Variants in MIR2052HG observed in about 807,000 individuals in gnomAD.
MIR2052HG encodes MIR2052 host gene.
In MIR2052HG at chr8:74,716,236, T is replaced by C. The variant is rs370194792; in HGVS notation, n.371+12554T>C. The stretch of plus-strand genomic sequence containing the variant: ...ATGCAGCCCAGAGAAATCTCTAACG[T>C]AGGGAGAAATGGGTGCTTGTAGTAG... On this transcript the variant is annotated intron_variant and non_coding_transcript_variant, in intron 4 of 6. Transcript: ENST00000523442. Among the ~76,000 whole-genome samples the C allele has an allele frequency of 2.0e-5, 3 of 152,086 alleles. No individual in the cohort carries two copies. In the East Asian group the frequency reaches 5.8e-4, roughly 29 times the overall value.
chr8:74,726,776 A>T (rs903322682), intron 4 of MIR2052HG, among the ~76,000 whole-genome samples: 2 of 152,204 alleles, frequency 1.3e-5, no homozygotes, highest in African/African-American at 4.8e-5. Context: ...TCTGGATTTC[A>T]TGCAAAATAC....
rs138068337 is a variant in MIR2052HG, at chr8:74,744,281, A to C, written n.372-8160A>C. ...TTATTTTTTTATTTTTTAAACATTT[A>C]TTTTTTCAATTTTTAGAGATGGGGT... On this transcript the variant is annotated intron_variant and non_coding_transcript_variant, in intron 4 of 6. Coordinates refer to ENST00000523442, the Ensembl canonical transcript of MIR2052HG. Among the ~76,000 whole-genome samples the C allele has an allele frequency of 5.0e-3, 706 of 141,550 alleles. 3 individuals carry two copies. The highest frequency in any genetic ancestry group is 0.016 in the African/African-American group (641 of 40,970). The allele number at this position is 141,550 out of a possible 152,430, so 92.9% of individuals were successfully genotyped here.
chr8:74,748,926 C>T (rs978548919), intron 4 of MIR2052HG, among the ~76,000 whole-genome samples: 3 of 152,108 alleles, frequency 2.0e-5, no homozygotes, highest in Admixed American at 2.0e-4. Flanking sequence ...GAGAATCAGG[C>T]TTGTTGAGTT....
intron 4 of MIR2052HG, among the ~76,000 whole-genome samples, chr8:74,716,914 A>G (rs1202870546): frequency 6.6e-6 from 1 of 152,138 alleles, no homozygotes; most frequent in Non-Finnish European, 1.5e-5. Context: ...CTGGCTATGA[A>G]TATTATTTAT....
intron 2 of MIR2052HG, among the ~76,000 whole-genome samples, chr8:74,671,699 G>A (rs1808994470): frequency 6.6e-6 from 1 of 152,132 alleles, no homozygotes; most frequent in Non-Finnish European, 1.5e-5. Context: ...GTGCTTTGTG[G>A]TGGTTGAGGT....
chr8:74,715,975 C>T (rs956324553), intron 4 of MIR2052HG, among the ~76,000 whole-genome samples: 1 of 152,166 alleles, frequency 6.6e-6, no homozygotes, highest in African/African-American at 2.4e-5. Flanking sequence ...CTACGTCCCT[C>T]CAGAAATAGA....
intron 1 of MIR2052HG, among the ~76,000 whole-genome samples, chr8:74,604,432 G>A (rs1808077837): frequency 7.6e-6 from 1 of 131,874 alleles, no homozygotes; most frequent in African/African-American, 2.9e-5. Context: ...GGCCCCGCGG[G>A]CGGGCGGAGG....
chr8:74,604,041 G>T, intron 1 of MIR2052HG: 1 of 968,222 alleles, frequency 1.0e-6, no homozygotes, highest in Non-Finnish European at 1.7e-6. Flanking sequence ...AGCCTTTGAA[G>T]ACGGCATTAG....
chr8:74,678,934 C>A (rs1809086613), intron 2 of MIR2052HG, among the ~76,000 whole-genome samples: 1 of 151,874 alleles, frequency 6.6e-6, no homozygotes, highest in African/African-American at 2.4e-5. Context: ...ATTTCATTCA[C>A]CATGAAAGAG....
At chr8:74,703,500 A>ATT (rs1809378207) in intron 3 of MIR2052HG, 13 of 320,186 alleles carry the variant, frequency 4.1e-5, no homozygotes, top group South Asian at 3.5e-4. Flanking sequence ...TACTCCATGG[A>ATT]TAACAGCAGG....
rs374695124 is a variant in MIR2052HG, at chr8:74,732,347, G to A, written n.372-20094G>A. On this transcript the variant is annotated intron_variant and non_coding_transcript_variant, in intron 4 of 6. Transcript: ENST00000523442. ...CCATGGATTTTGCTCTTTATGGGGG[G>A]TCCTGGAACCAATCCCCATGGATAC... 4.6e-5 allele frequency among the ~76,000 whole-genome samples: 7 copies of A among 152,148 alleles called. No individual in the cohort carries two copies. In the South Asian group the frequency reaches 1.2e-3, roughly 27 times the overall value.
intron 2 of MIR2052HG, among the ~76,000 whole-genome samples, chr8:74,684,182 C>T (rs1158075127): frequency 6.6e-6 from 1 of 152,060 alleles, no homozygotes; most frequent in Admixed American, 6.6e-5. Flanking sequence ...TGTGTAAAAG[C>T]ATTCAAACTC....
At position 74,639,046 on chromosome 8, in the gene MIR2052HG, G is replaced by C. The variant is rs141588412; in HGVS notation, n.216+26106G>C. Among the ~76,000 whole-genome samples the C allele has an allele frequency of 4.2e-3, 641 of 152,258 alleles. 5 individuals carry two copies. The highest frequency in any genetic ancestry group is 0.014 in the African/African-American group (600 of 41,556). ...AAAATTCGGAGAGACTGAGTCCTTAGAAAACAAAGGAAGAGAGTATTTCAA... is the reference window on the plus strand; with the variant it reads ...AAAATTCGGAGAGACTGAGTCCTTACAAAACAAAGGAAGAGAGTATTTCAA... On this transcript the variant is annotated intron_variant and non_coding_transcript_variant, in intron 2 of 6. Coordinates refer to ENST00000523442, the Ensembl canonical transcript of MIR2052HG.
At chr8:74,698,654 T>C (rs926747940) in intron 2 of MIR2052HG, among the ~76,000 whole-genome samples, 13 of 151,958 alleles carry the variant, frequency 8.6e-5, no homozygotes, top group African/African-American at 3.1e-4. Flanking sequence ...CTCAAACAAA[T>C]CAGCAAGAAC....
At chr8:74,717,916 T>C (rs747254555) in intron 4 of MIR2052HG, among the ~76,000 whole-genome samples, 25 of 152,294 alleles carry the variant, frequency 1.6e-4, no homozygotes, top group Non-Finnish European at 3.7e-4. Context: ...ATGACATTCA[T>C]GATTATTTTT....
At chr8:74,684,286 C>T in intron 2 of MIR2052HG, among the ~76,000 whole-genome samples, 1 of 151,946 alleles carries the variant, frequency 6.6e-6, no homozygotes, top group Admixed American at 6.6e-5. Context: ...CTTCTGGGAT[C>T]AGAGGCTACC....
intron 2 of MIR2052HG, among the ~76,000 whole-genome samples, chr8:74,635,787 A>T (rs1808575146): frequency 6.6e-6 from 1 of 152,170 alleles, no homozygotes; most frequent in Non-Finnish European, 1.5e-5. Context: ...TTCCCCAGGG[A>T]AATTTATAGC....
chr8:74,751,772 A>G (rs991407422), intron 4 of MIR2052HG, among the ~76,000 whole-genome samples: 3 of 152,244 alleles, frequency 2.0e-5, no homozygotes, highest in African/African-American at 7.2e-5. Context: ...TGACAAATTA[A>G]ATTTAGTGAA....
At chr8:74,605,185 G>A (rs1273283317) in intron 1 of MIR2052HG, among the ~76,000 whole-genome samples, 3 of 152,174 alleles carry the variant, frequency 2.0e-5, no homozygotes, top group Non-Finnish European at 4.4e-5. Context: ...TGCAGAGTCT[G>A]TGGTTTAGGT....
Sources: allele counts gnomAD v4.1 joint callset (sites outside exome capture counted in the v4.1 genomes callset), GRCh38; gene constraint gnomAD v4.1.1; transcripts MANE v1.5; gene names NCBI Gene and HGNC (gene_info 2026-07-23, HGNC 2026-07-21).